FHAD1: variants seen among roughly 807,000 people sequenced by gnomAD.
The protein encoded by FHAD1 is forkhead associated phosphopeptide binding domain 1.
FHAD1 carries 146 observed loss-of-function variants against 191.3 expected under a neutral mutation model. That is an observed-to-expected ratio of 0.76 (90% CI 0.67 to 0.88). The LOEUF is 0.88. FHAD1 is among the 40% of genes least tolerant of loss of function. The pLI, the probability that FHAD1 is intolerant of heterozygous loss-of-function variation, is 0.00. For synonymous variants in FHAD1, 616 were observed against 672.3 expected, an observed-to-expected ratio of 0.92 and a Z score of 1.29; for missense variants, 1,635 against 1,785.8, an observed-to-expected ratio of 0.92 and a Z score of 1.52.
At chr1:15,307,386 C>A (rs1670832981) in intron 6 of FHAD1, among the ~76,000 whole-genome samples, 1 of 152,092 alleles carries the variant, frequency 6.6e-6, no homozygotes, top group African/African-American at 2.4e-5. Context: ...TGAGTTAAGA[C>A]TTTGGGGGAC....
In FHAD1 at chr1:15,394,850, G is replaced by A. The variant is rs569372449; in HGVS notation, c.4324-2447G>A. ...GGGGGCAAAGCTTTGCAGGAACAGA[G>A]TTGGCAAGGTAAATCCTGTTGGAAA... On this transcript the variant is annotated intron_variant, in intron 33 of 33. Coordinates refer to ENST00000688493, the MANE Select transcript of FHAD1 (RefSeq NM_001391957.1). 7.2e-5 allele frequency among the ~76,000 whole-genome samples: 11 copies of A among 152,298 alleles called. No individual in the cohort carries two copies. In the South Asian group the frequency reaches 1.2e-3, roughly 17 times the overall value.
rs1277920368 is a variant in FHAD1, at chr1:15,369,482, G to T, written c.3427G>T (p.Ala1143Ser). ...GCAGATAGAACCCGTCCACACTGAG[G>T]CCTTCTCCAGCAGCCAAGAGGTGAG... ...SVQIEPVHTEAFSSSQEQQSF... is the reference protein window; with the variant it reads ...SVQIEPVHTESFSSSQEQQSF... Residue 1143 changes from alanine to serine, a missense_variant, in exon 26 of 34, where the codon GCC becomes TCC. Coordinates refer to ENST00000688493, the MANE Select transcript of FHAD1 (RefSeq NM_001391957.1). The T allele has an allele frequency of 1.9e-6, 3 of 1,551,700 alleles. No homozygotes were observed. The highest frequency in any genetic ancestry group is 4.9e-5 in the East Asian group (2 of 40,924).
At chr1:15,267,318 G>A (rs1653962127) in intron 2 of FHAD1, among the ~76,000 whole-genome samples, 3 of 152,120 alleles carry the variant, frequency 2.0e-5, no homozygotes, top group African/African-American at 4.8e-5. Flanking sequence ...TAGTTGTGGT[G>A]TATAATTATT....
intron 25 of FHAD1, 112 bp from the exon 26 acceptor site, chr1:15,369,258 A>G: frequency 2.4e-6 from 3 of 1,251,748 alleles, no homozygotes; most frequent in African/African-American, 1.5e-5. Context: ...ACAAGTCTCA[A>G]AAGAATTCTG....
At position 15,296,749 on chromosome 1, in the gene FHAD1, C is replaced by T. The variant is rs978600894; in HGVS notation, c.634C>T (p.Pro212Ser). ...VAEGIPGAVP[P>S]AEIYVEEDLA... ...CGAGGGGATTCCTGGGGCAGTTCCC[C>T]CTGCGGAGATTTATGTGGAGGAGGA... The change falls in exon 5 of 34, where the codon CCT becomes TCT. Residue 212 changes from proline (P) to serine (S), a missense_variant. By Grantham distance (74) the Pro-to-Ser change is moderately conservative (BLOSUM62 -1). Transcript: ENST00000688493. 2.6e-6 allele frequency: 4 copies of T among 1,551,730 alleles called. No homozygotes were observed. In the African/African-American group the frequency reaches 4.1e-5, roughly 16 times the overall value.
intron 7 of FHAD1, 134 bp downstream of exon 7, chr1:15,308,870 C>T (rs1162781941): frequency 7.4e-7 from 1 of 1,351,710 alleles, no homozygotes; most frequent in Non-Finnish European, 1.0e-6. Context: ...TCCCAGCAGC[C>T]CTTTAGGCAG....
In FHAD1 at chr1:15,301,258, A is replaced by G. The variant is rs1668681312; in HGVS notation, c.732A>G (p.Glu244=). The G allele has an allele frequency of 6.4e-7, 1 of 1,551,656 alleles. No homozygotes were observed. Among genetic ancestry groups the G allele is most frequent in the South Asian group, 1.2e-5 (1 of 84,066 alleles). ...GKEVSRLSDY[E]IESKYKDVII... ...AGGTCAGCCGTCTCTCAGATTATGA[A>G]ATTGAATCCAAATACAAAGACGTCA... is the stretch of plus-strand genomic sequence containing the variant. The change falls in exon 6 of 34, where the codon GAA becomes GAG. Residue 244 remains glutamate, a synonymous_variant. Transcript: ENST00000688493.
At chr1:15,386,772 G>T (rs186473182) in intron 31 of FHAD1, among the ~76,000 whole-genome samples, 1 of 152,074 alleles carries the variant, frequency 6.6e-6, no homozygotes, top group Non-Finnish European at 1.5e-5. Context: ...TCCCGTGAAG[G>T]CATGCATATA....
At chr1:15,376,324 T>A (rs1558272271) in intron 28 of FHAD1, among the ~76,000 whole-genome samples, 1 of 152,112 alleles carries the variant, frequency 6.6e-6, no homozygotes, top group Non-Finnish European at 1.5e-5. Context: ...TCTCCTGACC[T>A]CATGATCCGC....
rs1177544397 is a variant in FHAD1 at position 15,326,999 on chromosome 1, C to T, written c.1474-60C>T. 10 of 1,052,456 alleles carry T rather than the reference C, an allele frequency of 9.5e-6. 1 individual carries two copies. The East Asian group carries it at 1.0e-4, about 11-fold the overall frequency. The allele number at this position is 1,052,456 out of a possible 1,614,324, so 65.2% of individuals were successfully genotyped here. A position where few individuals can be genotyped will look rare whatever the true frequency, so the allele number is the denominator to read the frequency against. The stretch of plus-strand genomic sequence containing the variant: ...TTTCCCGCACCCTGCCATGGAAACG[C>T]TGCCCCCACTTGCCGGCCCCTGCTG... On this transcript the variant is annotated intron_variant, in intron 11 of 33. Transcript: ENST00000688493.
intron 23 of FHAD1, among the ~76,000 whole-genome samples, chr1:15,365,481 A>ATTTTTT (rs71587751): frequency 4.4e-5 from 5 of 112,784 alleles, no homozygotes; most frequent in African/African-American, 8.6e-5. Context: ...TGCCTGGCTA[A>ATTTTTT]TTTTTTTTTT....
chr1:15,389,871 A>G (rs1703435213), intron 32 of FHAD1, among the ~76,000 whole-genome samples: 1 of 152,266 alleles, frequency 6.6e-6, no homozygotes, highest in Non-Finnish European at 1.5e-5. Flanking sequence ...GGACATAGTT[A>G]TACTTAAAAC....
intron 22 of FHAD1, among the ~76,000 whole-genome samples, chr1:15,361,856 T>G (rs1199744301): frequency 6.6e-6 from 1 of 151,854 alleles, no homozygotes; most frequent in Non-Finnish European, 1.5e-5. Flanking sequence ...AATACAAAAA[T>G]TAGCCGGGCC....
At chr1:15,371,084 C>T (rs1223811689) in intron 26 of FHAD1, among the ~76,000 whole-genome samples, 1 of 152,202 alleles carries the variant, frequency 6.6e-6, no homozygotes, top group African/African-American at 2.4e-5. Context: ...GCAGCAGGTC[C>T]ACGTGGCCGT....
intron 10 of FHAD1, among the ~76,000 whole-genome samples, chr1:15,320,565 A>G (rs1432669719): frequency 1.3e-5 from 2 of 152,178 alleles, no homozygotes; most frequent in Admixed American, 1.3e-4. Flanking sequence ...CCATTTCATT[A>G]CTTCCTATCG....
intron 14 of FHAD1, chr1:15,334,808 C>T (rs12726117): frequency 0.35 from 52,667 of 152,108 alleles, 9,600 homozygotes; most frequent in African/African-American, 0.45. Flanking sequence ...GAGCCTCTGC[C>T]CTGTCTCCAT....
chr1:15,331,746 GGCAA>G (rs1681702440), intron 14 of FHAD1, among the ~76,000 whole-genome samples: 1 of 151,866 alleles, frequency 6.6e-6, no homozygotes, highest in African/African-American at 2.4e-5. Flanking sequence ...CAGGCAAGCA[GGCAA>G]GCAGGCAGGA....
rs1240231099 is a variant in FHAD1 at position 15,381,010 on chromosome 1, T to C, written c.3801+214T>C. ...GGTTAGAATGAAGTGTTTATATCTG[T>C]TGTCATTTTTCACCCCCGGTTCTCA... On this transcript the variant is annotated intron_variant, in intron 29 of 33. Coordinates refer to ENST00000688493, the MANE Select transcript of FHAD1 (RefSeq NM_001391957.1). The surrounding 1 kb of genome is among the most constrained non-coding windows in gnomAD (Gnocchi z 4.6). 6.6e-6 allele frequency among the ~76,000 whole-genome samples: 1 copy of C among 152,194 alleles called. No individual in the cohort carries two copies. The highest frequency in any genetic ancestry group is 1.5e-5 in the Non-Finnish European group (1 of 68,044).
chr1:15,355,767 C>T (rs920322787), intron 20 of FHAD1, among the ~76,000 whole-genome samples: 3 of 151,994 alleles, frequency 2.0e-5, no homozygotes, highest in African/African-American at 7.3e-5. Context: ...AGGTTAAGAC[C>T]CTGAAAAAGG....
Sources: gnomAD v4.1 joint callset for allele counts (sites outside exome capture counted in the v4.1 genomes callset) on GRCh38, gnomAD v4.1.1 for gene constraint, Gnocchi (gnomAD v3.1) non-coding constraint, MANE v1.5 for transcripts, NCBI Gene and HGNC (gene_info 2026-07-23, HGNC 2026-07-21) for gene names.